PPP2R5E: variants seen among roughly 807,000 people sequenced by gnomAD.
The protein encoded by PPP2R5E is serine/threonine-protein phosphatase 2A 56 kDa regulatory subunit epsilon isoform.
A neutral mutation model predicts 65.3 loss-of-function variants in PPP2R5E; 4 were observed. The ratio of observed to expected loss-of-function variants is 0.06; its 90% CI spans 0.03 to 0.14. The LOEUF (loss-of-function observed/expected upper bound fraction) is 0.14. Ranked by LOEUF, PPP2R5E falls within the 10% of genes least tolerant of loss-of-function variation. The probability of loss-of-function intolerance (pLI) is 1.00; values close to 1 mark genes in which losing one functional copy is unlikely to be tolerated. For missense variants in PPP2R5E, 274 were observed against 556.1 expected, an observed-to-expected ratio of 0.49 and a Z score of 5.10; for synonymous variants, 183 against 187.4, an observed-to-expected ratio of 0.98 and a Z score of 0.19.
intron 2 of PPP2R5E, among the ~76,000 whole-genome samples, chr14:63,470,952 A>C (rs1327519064): frequency 6.6e-6 from 1 of 152,218 alleles, no homozygotes; most frequent in Non-Finnish European, 1.5e-5. Context: ...GTGACCAAGC[A>C]ATAGCTTCTG....
At chr14:63,407,677 G>C (rs1886167406) in intron 5 of PPP2R5E, among the ~76,000 whole-genome samples, 1 of 152,150 alleles carries the variant, frequency 6.6e-6, no homozygotes, top group African/African-American at 2.4e-5. Flanking sequence ...AATGCATATT[G>C]CTATAGTCTG....
At chr14:63,422,651 C>T (rs113038604) in intron 3 of PPP2R5E, among the ~76,000 whole-genome samples, 7,264 of 149,296 alleles carry the variant, frequency 0.049, 226 homozygotes, top group East Asian at 0.13. Flanking sequence ...GCGTGAACCC[C>T]GGAGGACGGA....
At chr14:63,528,452 T>A (rs1158777781) in intron 2 of PPP2R5E, among the ~76,000 whole-genome samples, 1 of 152,184 alleles carries the variant, frequency 6.6e-6, no homozygotes, top group Non-Finnish European at 1.5e-5. Flanking sequence ...ATTTGCAAAG[T>A]AAAAGGAATC....
At chr14:63,483,635 G>A (rs1890822598) in intron 2 of PPP2R5E, among the ~76,000 whole-genome samples, 2 of 152,132 alleles carry the variant, frequency 1.3e-5, no homozygotes, top group South Asian at 4.1e-4. Context: ...CTGCTGTGGG[G>A]TCCAAGGGAG....
chr14:63,395,575 G>C (rs1418190184), intron 6 of PPP2R5E, among the ~76,000 whole-genome samples: 1 of 28,974 alleles, frequency 3.5e-5, no homozygotes, highest in African/African-American at 1.7e-4. Context: ...GAGGAGGAGA[G>C]GAGGGAAGAG....
chr14:63,538,279 G>A (rs118056182), intron 2 of PPP2R5E, among the ~76,000 whole-genome samples: 4,736 of 146,574 alleles, frequency 0.032, 99 homozygotes, highest in East Asian at 0.046. Flanking sequence ...TTTTTCCCCC[G>A]AGACAGAGTC....
chr14:63,385,729 G>A (rs1000222112), intron 11 of PPP2R5E, among the ~76,000 whole-genome samples: 2 of 152,018 alleles, frequency 1.3e-5, no homozygotes, highest in African/African-American at 4.8e-5. Context: ...CAGAGACTCA[G>A]GGAGACTGAG....
intron 2 of PPP2R5E, among the ~76,000 whole-genome samples, chr14:63,496,980 A>G (rs1353773481): frequency 6.6e-6 from 1 of 151,902 alleles, no homozygotes; most frequent in Non-Finnish European, 1.5e-5. Flanking sequence ...GGCACTCACC[A>G]TAATAGCTAT....
chr14:63,512,026 C>T (rs1892474128), intron 2 of PPP2R5E, among the ~76,000 whole-genome samples: 1 of 138,556 alleles, frequency 7.2e-6, no homozygotes, highest in Admixed American at 8.1e-5. Flanking sequence ...TTGCAGTGAG[C>T]TGAGATTGTG....
intron 5 of PPP2R5E, among the ~76,000 whole-genome samples, chr14:63,405,155 A>G (rs1347560544): frequency 6.6e-6 from 1 of 152,210 alleles, no homozygotes; most frequent in Non-Finnish European, 1.5e-5. Flanking sequence ...ACAGGACAGG[A>G]TGAAGTGATG....
chr14:63,439,488 C>A (rs1713000044), intron 3 of PPP2R5E, among the ~76,000 whole-genome samples: 1 of 152,220 alleles, frequency 6.6e-6, no homozygotes, highest in Non-Finnish European at 1.5e-5. Context: ...CATTCTCCTG[C>A]CTCAGCCTCC....
chr14:63,376,232 A>G, intron 13 of PPP2R5E, 124 bp from the exon 14 acceptor site: 2 of 642,034 alleles, frequency 3.1e-6, no homozygotes. Context: ...ATTAACTTTA[A>G]AATTACTAAG....
chr14:63,482,462 AAAC>A (rs1234455950), intron 2 of PPP2R5E, among the ~76,000 whole-genome samples: 8 of 152,254 alleles, frequency 5.3e-5, no homozygotes, highest in South Asian at 4.1e-4. Flanking sequence ...CCGTCTTGGA[AAAC>A]AACAACAACA....
At chr14:63,525,398 C>A (rs1292497736) in intron 2 of PPP2R5E, among the ~76,000 whole-genome samples, 2 of 152,188 alleles carry the variant, frequency 1.3e-5, no homozygotes, top group East Asian at 1.9e-4. Flanking sequence ...CTTCTCCCTT[C>A]AAATACCTTT....
intron 4 of PPP2R5E, among the ~76,000 whole-genome samples, chr14:63,415,612 T>C (rs2139863140): frequency 6.6e-6 from 1 of 152,300 alleles, no homozygotes; most frequent in Non-Finnish European, 1.5e-5. Context: ...TCATTTAACA[T>C]ACCATATAAA....
chr14:63,426,672 C>T (rs1405660932), intron 3 of PPP2R5E, among the ~76,000 whole-genome samples: 3 of 133,142 alleles, frequency 2.3e-5, no homozygotes, highest in Admixed American at 8.7e-5. Context: ...TTAAGAATCA[C>T]AGCCTCCAGG....
chr14:63,412,488 C>A (rs1886444440), intron 5 of PPP2R5E, among the ~76,000 whole-genome samples: 1 of 152,102 alleles, frequency 6.6e-6, no homozygotes, highest in Non-Finnish European at 1.5e-5. Context: ...GCATTCTGTT[C>A]AAATATAGAT....
chr14:63,519,016 C>T (rs1238963303), intron 2 of PPP2R5E, among the ~76,000 whole-genome samples: 12 of 152,076 alleles, frequency 7.9e-5, no homozygotes, highest in Admixed American at 4.6e-4. Flanking sequence ...GTCGGGAGTT[C>T]GAGACCAGCC....
intron 2 of PPP2R5E, among the ~76,000 whole-genome samples, chr14:63,488,344 C>A (rs541842345): frequency 6.6e-6 from 1 of 152,108 alleles, no homozygotes; most frequent in East Asian, 1.9e-4. Context: ...ACTAGAGGCG[C>A]ACACCACCAT....
Sources: gnomAD v4.1 joint callset for allele counts (sites outside exome capture counted in the v4.1 genomes callset) on GRCh38, gnomAD v4.1.1 for gene constraint, MANE v1.5 for transcripts, NCBI Gene and HGNC (gene_info 2026-07-23, HGNC 2026-07-21) for gene names.